COPG2: variants seen among roughly 807,000 people sequenced by gnomAD.
The protein encoded by COPG2 is coat protein complex I subunit gamma 2.
In COPG2, 37 loss-of-function variants were observed where a neutral mutation model predicts 46.3. The ratio of observed to expected loss-of-function variants is 0.80; its 90% CI spans 0.61 to 1.05. The LOEUF (loss-of-function observed/expected upper bound fraction) is 1.05. Ranked by LOEUF, COPG2 falls within the 50% of genes least tolerant of loss-of-function variation. The pLI is 0.00. For missense variants in COPG2, 427 were observed against 387.8 expected (o/e 1.10, Z -0.85); for synonymous variants, 159 against 129.7 (o/e 1.23, Z -1.53).
intron 9 of COPG2, among the ~76,000 whole-genome samples, chr7:130,597,624 T>C (rs1794554573): frequency 6.7e-6 from 1 of 150,252 alleles, no homozygotes; most frequent in African/African-American, 2.5e-5. Context: ...AAAAAAAAAA[T>C]CACATGATGA....
At chr7:130,514,621 C>T (rs1309954299) in intron 20 of COPG2, among the ~76,000 whole-genome samples, 1 of 152,102 alleles carries the variant, frequency 6.6e-6, no homozygotes, top group African/African-American at 2.4e-5. Context: ...AGGTAGCGTA[C>T]ATCTTTAGGG....
intron 20 of COPG2, chr7:130,511,835 C>G: frequency 1.9e-6 from 1 of 519,570 alleles, no homozygotes; most frequent in Non-Finnish European, 3.9e-6. Flanking sequence ...GAGGCAGCAG[C>G]AGACTAGCTC....
intron 4 of COPG2, among the ~76,000 whole-genome samples, chr7:130,661,011 C>T (rs1447658634): frequency 6.6e-6 from 1 of 152,180 alleles, no homozygotes; most frequent in African/African-American, 2.4e-5. Flanking sequence ...TATCTCTAAG[C>T]CTTCAGTGCT....
intron 5 of COPG2, among the ~76,000 whole-genome samples, chr7:130,641,494 T>C (rs1554457264): frequency 6.6e-6 from 1 of 152,158 alleles, no homozygotes; most frequent in Non-Finnish European, 1.5e-5. Flanking sequence ...AATCCAGGAC[T>C]ATGGTTTCTG....
chr7:130,571,640 T>C (rs1793901744), intron 9 of COPG2, among the ~76,000 whole-genome samples: 1 of 152,122 alleles, frequency 6.6e-6, no homozygotes, highest in Admixed American at 6.5e-5. Flanking sequence ...AGTGTGGAGA[T>C]TACTTAAAGA....
chr7:130,529,049 T>C (rs1039783866), intron 20 of COPG2, among the ~76,000 whole-genome samples: 90 of 152,256 alleles, frequency 5.9e-4, no homozygotes, highest in African/African-American at 2.0e-3. Flanking sequence ...GCATGGGAAC[T>C]GATGAAATGT....
intron 20 of COPG2, among the ~76,000 whole-genome samples, chr7:130,530,809 G>C (rs1322379442): frequency 6.6e-6 from 1 of 151,984 alleles, no homozygotes; most frequent in African/African-American, 2.4e-5. Flanking sequence ...AGGGCAGAAA[G>C]AGTGGTGGAA....
In COPG2 at chr7:130,591,663, G is replaced by A. The variant is rs367885536; in HGVS notation, c.737+19290C>T. 2.7e-3 allele frequency among the ~76,000 whole-genome samples: 394 copies of A among 145,902 alleles called. 4 individuals carry two copies. In the East Asian group the frequency reaches 0.038, roughly 14 times the overall value. ...CGGTTGGTGAGGGGCGCCTCTGCCC[G>A]GCCGCCCCTACTGGGAAGTGAGGAG... On this transcript the variant is annotated intron_variant, in intron 9 of 23. Transcript: ENST00000425248.
Position 130,668,686 on chromosome 7 carries a change from C to G in COPG2, c.-18G>C, listed in dbSNP as rs781812775. 1 of 1,528,532 alleles carries G rather than the reference C, an allele frequency of 6.5e-7. No individual in the cohort carries two copies. The highest frequency in any genetic ancestry group is 2.8e-5 in the East Asian group (1 of 36,084). The allele number at this position is 1,528,532 out of a possible 1,614,324, so 94.7% of individuals were successfully genotyped here. ...TTAATCATCTTGGACGACTTCCCAG[C>G]GCCCAGACCCACCGCAACCGTCCCA... On this transcript the variant is annotated 5_prime_UTR_variant, in exon 1 of 24. Transcript: ENST00000425248.
At chr7:130,556,104 G>T (rs1279387126) in intron 12 of COPG2, among the ~76,000 whole-genome samples, 1 of 152,192 alleles carries the variant, frequency 6.6e-6, no homozygotes, top group Non-Finnish European at 1.5e-5. Flanking sequence ...TGGTCTTGCA[G>T]TAGGCTGCAT....
At chr7:130,632,102 C>A (rs1011109828) in intron 5 of COPG2, among the ~76,000 whole-genome samples, 3 of 152,172 alleles carry the variant, frequency 2.0e-5, no homozygotes, top group Non-Finnish European at 4.4e-5. Context: ...CTCCCTTCAG[C>A]CTGAAAAAAC....
intron 20 of COPG2, among the ~76,000 whole-genome samples, chr7:130,536,822 G>A (rs1350887090): frequency 1.2e-4 from 19 of 152,220 alleles, no homozygotes; most frequent in Non-Finnish European, 2.1e-4. Flanking sequence ...GGACTCAGGT[G>A]GAGGAGTGAG....
chr7:130,666,647 T>C (rs1025185906), intron 3 of COPG2, among the ~76,000 whole-genome samples: 6 of 152,226 alleles, frequency 3.9e-5, no homozygotes, highest in African/African-American at 7.2e-5. Context: ...GTTCCGAGCA[T>C]TGCAAAGAAG....
intron 6 of COPG2, 80 bp from the exon 7 acceptor site, chr7:130,613,716 CA>C: frequency 3.4e-6 from 3 of 891,044 alleles, no homozygotes; most frequent in Non-Finnish European, 3.6e-6. Flanking sequence ...AAATAATTTT[CA>C]AAAACCAATC....
chr7:130,581,016 T>C, intron 9 of COPG2, among the ~76,000 whole-genome samples: 1 of 56,578 alleles, frequency 1.8e-5, no homozygotes, highest in African/African-American at 6.2e-5. Context: ...ATCATCCTGA[T>C]ACCAAAGCCG....
At chr7:130,541,145 C>T (rs1396666283) in intron 20 of COPG2, among the ~76,000 whole-genome samples, 1 of 152,058 alleles carries the variant, frequency 6.6e-6, no homozygotes, top group East Asian at 1.9e-4. Flanking sequence ...CAGTTCCCGA[C>T]AGATCAGGAC....
At chr7:130,590,226 T>C (rs1189447807) in intron 9 of COPG2, among the ~76,000 whole-genome samples, 2 of 151,436 alleles carry the variant, frequency 1.3e-5, no homozygotes, top group Admixed American at 6.6e-5. Context: ...GGTCTCTCTC[T>C]CCCTCTCCCC....
At chr7:130,639,201 T>A (rs1554456859) in intron 5 of COPG2, among the ~76,000 whole-genome samples, 1 of 152,232 alleles carries the variant, frequency 6.6e-6, no homozygotes, top group East Asian at 1.9e-4. Context: ...CACCTCCACG[T>A]CTGAGCTAAT....
At chr7:130,631,564 G>A (rs782038406) in intron 5 of COPG2, among the ~76,000 whole-genome samples, 5 of 151,054 alleles carry the variant, frequency 3.3e-5, no homozygotes, top group Non-Finnish European at 7.4e-5. Flanking sequence ...ATTCTGCATT[G>A]TTATTTTAGT....
Sources: allele counts gnomAD v4.1 joint callset (sites outside exome capture counted in the v4.1 genomes callset), GRCh38; gene constraint gnomAD v4.1.1; transcripts MANE v1.5; gene names NCBI Gene and HGNC (gene_info 2026-07-23, HGNC 2026-07-21).